The following PRKN variants were observed in gnomAD, a reference collection of about 807,000 sequenced individuals.
PRKN encodes parkin RBR E3 ubiquitin protein ligase.
A neutral mutation model predicts 59.5 loss-of-function variants in PRKN; 56 were observed. The ratio of observed to expected loss-of-function variants is 0.94; its 90% CI spans 0.76 to 1.18. PRKN has a LOEUF of 1.18. PRKN is among the 50% of genes most tolerant of loss of function. The probability of loss-of-function intolerance (pLI) is 0.00; values close to 1 mark genes in which losing one functional copy is unlikely to be tolerated. For synonymous variants in PRKN, 250 were observed against 222.1 expected (o/e 1.13, Z -1.12); for missense variants, 657 against 596.4 (o/e 1.10, Z -1.06).
intron 1 of PRKN, among the ~76,000 whole-genome samples, chr6:162,612,051 G>T (rs918799932): frequency 1.3e-5 from 2 of 151,450 alleles, no homozygotes; most frequent in African/African-American, 2.4e-5. Flanking sequence ...AAATTAGCTG[G>T]GCGTGGTGGC....
chr6:162,449,986 T>A (rs918887316), intron 1 of PRKN, among the ~76,000 whole-genome samples: 1 of 152,190 alleles, frequency 6.6e-6, no homozygotes, highest in South Asian at 2.1e-4. Flanking sequence ...TCCGTGCACA[T>A]GGCATGTGGG....
At chr6:162,609,833 C>T (rs576976067) in intron 1 of PRKN, among the ~76,000 whole-genome samples, 1 of 152,236 alleles carries the variant, frequency 6.6e-6, no homozygotes, top group South Asian at 2.1e-4. Context: ...TCTGGCAATA[C>T]CCTAAGACAG....
At chr6:162,404,560 T>C (rs1012443803) in intron 2 of PRKN, among the ~76,000 whole-genome samples, 8 of 151,278 alleles carry the variant, frequency 5.3e-5, no homozygotes, top group Admixed American at 2.0e-4. Flanking sequence ...CCAACACTTA[T>C]GGGTTTTTGG....
intron 4 of PRKN, among the ~76,000 whole-genome samples, chr6:162,150,547 G>C (rs189206476): frequency 1.3e-5 from 2 of 152,160 alleles, no homozygotes; most frequent in Non-Finnish European, 2.9e-5. Flanking sequence ...TCCAGAAAAC[G>C]CAGCACAGTA....
chr6:161,383,696 G>A (rs931088299), intron 10 of PRKN, among the ~76,000 whole-genome samples: 1 of 152,166 alleles, frequency 6.6e-6, no homozygotes, highest in African/African-American at 2.4e-5. Flanking sequence ...GGGTGGTCAT[G>A]GCTCCCCAGT....
chr6:162,685,333 T>C (rs1453246186), intron 1 of PRKN, among the ~76,000 whole-genome samples: 1 of 152,160 alleles, frequency 6.6e-6, no homozygotes, highest in East Asian at 1.9e-4. Context: ...AAACTTCTAG[T>C]TTTAATAAAT....
intron 4 of PRKN, among the ~76,000 whole-genome samples, chr6:162,167,260 T>C (rs2128318523): frequency 6.6e-6 from 1 of 152,324 alleles, no homozygotes; most frequent in South Asian, 2.1e-4. Context: ...ACAGCTTGTA[T>C]GTTGGCATCA....
chr6:162,437,777 G>T (rs1432589289), intron 2 of PRKN, among the ~76,000 whole-genome samples: 1 of 152,092 alleles, frequency 6.6e-6, no homozygotes, highest in Non-Finnish European at 1.5e-5. Context: ...CTTTTTTACT[G>T]CTGAGTAATA....
rs544366763 is a variant in PRKN at position 162,159,024 on chromosome 6, G to A, written c.534+42107C>T. Among the ~76,000 whole-genome samples the A allele has an allele frequency of 2.4e-4, 36 of 152,030 alleles. No homozygotes were observed. In the East Asian group the frequency reaches 3.1e-3, roughly 13 times the overall value. ...CCACATAACGCTAACCCTAAGCCTA[G>A]TCAGAGCCCATTTACTTGTGTTTGT... On this transcript the variant is annotated intron_variant, in intron 4 of 11. Coordinates refer to ENST00000366898, the MANE Select transcript of PRKN (RefSeq NM_004562.3).
intron 9 of PRKN, among the ~76,000 whole-genome samples, chr6:161,532,160 CTCTCTCTATA>C (rs1239829537): frequency 2.7e-4 from 17 of 62,498 alleles, no homozygotes; most frequent in South Asian, 8.7e-4. Flanking sequence ...CTCTCTCTCT[CTCTCTCTATA>C]TATATATATA....
chr6:162,230,007 G>A (rs747085367), intron 3 of PRKN, among the ~76,000 whole-genome samples: 5 of 152,138 alleles, frequency 3.3e-5, no homozygotes, highest in East Asian at 1.9e-4. Context: ...CCTGCACTCC[G>A]TAAACTTTCC....
In PRKN at chr6:162,177,914, CCTT is replaced by C. The variant is rs147278585; in HGVS notation, c.534+23214_534+23216del. ...TCAGTGCCCCCGGATGTGTGGGTGT[CCTT>C]CATTTCTCTTTGAATGTGGCCAGGC... is the stretch of plus-strand genomic sequence containing the variant. On this transcript the variant is annotated intron_variant, in intron 4 of 11. Coordinates refer to ENST00000366898, the MANE Select transcript of PRKN (RefSeq NM_004562.3). Among the ~76,000 whole-genome samples the C allele has an allele frequency of 6.1e-3, 930 of 152,294 alleles. 10 individuals carry two copies. The highest frequency in any genetic ancestry group is 0.021 in the African/African-American group (882 of 41,552).
At chr6:162,221,140 A>C (rs1425580162) in intron 3 of PRKN, among the ~76,000 whole-genome samples, 1 of 152,208 alleles carries the variant, frequency 6.6e-6, no homozygotes, top group Non-Finnish European at 1.5e-5. Flanking sequence ...AGACTAATGC[A>C]CAAAAATGCA....
At chr6:161,725,445 C>T (rs1298942015) in intron 7 of PRKN, among the ~76,000 whole-genome samples, 2 of 152,158 alleles carry the variant, frequency 1.3e-5, no homozygotes, top group South Asian at 2.1e-4. Flanking sequence ...CTAAATATTT[C>T]ATTAGATTCC....
At chr6:162,327,383 A>C (rs997789038) in intron 2 of PRKN, among the ~76,000 whole-genome samples, 1 of 152,166 alleles carries the variant, frequency 6.6e-6, no homozygotes, top group Non-Finnish European at 1.5e-5. Flanking sequence ...AGACATGAGC[A>C]ATCTGATTTT....
chr6:162,166,860 T>C (rs9347594), intron 4 of PRKN, among the ~76,000 whole-genome samples: 64,543 of 151,932 alleles, frequency 0.42, 16,844 homozygotes, highest in Non-Finnish European at 0.58. Flanking sequence ...AATGAGACTG[T>C]GCCCTAATTG....
intron 1 of PRKN, among the ~76,000 whole-genome samples, chr6:162,643,536 G>A (rs1032716242): frequency 6.6e-6 from 1 of 151,974 alleles, no homozygotes; most frequent in Non-Finnish European, 1.5e-5. Context: ...GAGGCAGAAC[G>A]ACAGAAAATC....
At chr6:162,389,007 G>GGAAA (rs776330789) in intron 2 of PRKN, among the ~76,000 whole-genome samples, 4 of 104,166 alleles carry the variant, frequency 3.8e-5, no homozygotes, top group Admixed American at 2.1e-4. Flanking sequence ...AGTTCCTCCA[G>GGAAA]AAAAAAAAAA....
At chr6:162,091,812 G>A (rs941079874) in intron 4 of PRKN, among the ~76,000 whole-genome samples, 7 of 152,044 alleles carry the variant, frequency 4.6e-5, no homozygotes, top group Non-Finnish European at 7.4e-5. Context: ...TGAGGTGGGC[G>A]GACCACTTGG....
Sources: gnomAD v4.1 joint callset for allele counts (sites outside exome capture counted in the v4.1 genomes callset) on GRCh38, gnomAD v4.1.1 for gene constraint, MANE v1.5 for transcripts, NCBI Gene and HGNC (gene_info 2026-07-23, HGNC 2026-07-21) for gene names.